Variants in PPHLN1 observed in about 807,000 individuals in gnomAD.
The protein encoded by PPHLN1 is periphilin 1.
Under a neutral mutation model 51.3 loss-of-function variants are expected in PPHLN1, and 29 were observed. That is an observed-to-expected ratio of 0.57 (90% confidence interval 0.42 to 0.77). PPHLN1 has a LOEUF of 0.77. Ranked by LOEUF, PPHLN1 falls within the 30% of genes least tolerant of loss-of-function variation. The pLI, the probability that PPHLN1 is intolerant of heterozygous loss-of-function variation, is 0.00. For synonymous variants in PPHLN1, 147 were observed against 147.8 expected, an observed-to-expected ratio of 0.99 and a Z score of 0.04; for missense variants, 436 against 438.4, an observed-to-expected ratio of 0.99 and a Z score of 0.05.
chr12:42,385,091 C>G, intron 6 of PPHLN1, 95 bp downstream of exon 6: 5 of 1,280,632 alleles, frequency 3.9e-6, no homozygotes, highest in Non-Finnish European at 5.6e-6. Flanking sequence ...TATAACTGCT[C>G]CATTAGTCTA....
chr12:42,326,521 C>T (rs2068800807), intron 1 of PPHLN1, among the ~76,000 whole-genome samples: 1 of 152,154 alleles, frequency 6.6e-6, no homozygotes, highest in Non-Finnish European at 1.5e-5. Context: ...GGTAATTTTA[C>T]TGAAGGTGTT....
At chr12:42,361,112 G>T (rs2074629288) in intron 4 of PPHLN1, among the ~76,000 whole-genome samples, 1 of 152,270 alleles carries the variant, frequency 6.6e-6, no homozygotes. Flanking sequence ...AGGAGGTTAG[G>T]CCTTTTAGGA....
intron 9 of PPHLN1, among the ~76,000 whole-genome samples, chr12:42,402,304 T>C (rs1669902): frequency 0.68 from 104,119 of 152,258 alleles, 36,246 homozygotes; most frequent in East Asian, 0.82. Context: ...CTATGCCAGC[T>C]TTGTTATGTG....
intron 8 of PPHLN1, among the ~76,000 whole-genome samples, chr12:42,396,394 T>C (rs1435015176): frequency 6.6e-6 from 1 of 152,062 alleles, no homozygotes; most frequent in Admixed American, 6.5e-5. Context: ...GCTTTTGAGG[T>C]ACCATCCTAG....
intron 6 of PPHLN1, among the ~76,000 whole-genome samples, chr12:42,385,556 A>ACAG (rs1370964015): frequency 6.6e-6 from 1 of 152,194 alleles, no homozygotes; most frequent in Non-Finnish European, 1.5e-5. Context: ...CAAAAGATCA[A>ACAG]CAGCTGCTTG....
rs192992361 is a variant in PPHLN1 at position 42,356,454 on chromosome 12, T to C, written c.299+1232T>C. 5.3e-3 allele frequency among the ~76,000 whole-genome samples: 804 copies of C among 152,332 alleles called. 6 individuals are homozygous for C. The highest frequency in any genetic ancestry group is 0.018 in the African/African-American group (757 of 41,578). ...GAAAGCAAGCTAGTCCTCCTTTCCC[T>C]GGGAGTGACCTGCCATAGTAGTCAC... On this transcript the variant is annotated intron_variant, in intron 4 of 9. Coordinates refer to ENST00000358314, the MANE Select transcript of PPHLN1 (RefSeq NM_201439.2).
At position 42,348,308 on chromosome 12, in the gene PPHLN1, A is replaced by C. The variant is rs1481227168; in HGVS notation, c.73-3577A>C. ...TTTTTTTTTTTTTTTTTTTAGTAGA[A>C]ACGGGGTTTCACCGTGTTGGCCAGG... On this transcript the variant is annotated intron_variant, in intron 2 of 9. Transcript: ENST00000358314. Among the ~76,000 whole-genome samples, 7 of 104,506 alleles carry C rather than the reference A, an allele frequency of 6.7e-5. No individual in the cohort carries two copies. In the East Asian group the frequency reaches 2.0e-3, roughly 29 times the overall value. 68.6% of individuals were successfully genotyped at this position (104,506 alleles called of 152,430 possible). A position where few individuals can be genotyped will look rare whatever the true frequency, so the allele number is the denominator to read the frequency against.
At position 42,339,649 on chromosome 12, in the gene PPHLN1, G is replaced by A. The variant is rs1460127134; in HGVS notation, c.72+3675G>A. ...ACTAAGTGCACTTACATTTGAGAATGATTATCAAGCTATTAAAAACCAAAT... is the reference window on the plus strand; with the variant it reads ...ACTAAGTGCACTTACATTTGAGAATAATTATCAAGCTATTAAAAACCAAAT... On this transcript the variant is annotated intron_variant, in intron 2 of 9. Transcript: ENST00000358314. 3.3e-5 allele frequency among the ~76,000 whole-genome samples: 5 copies of A among 152,270 alleles called. No homozygotes were observed. In the East Asian group the frequency reaches 9.7e-4, roughly 29 times the overall value.
At chr12:42,390,322 C>G (rs2077576714) in intron 7 of PPHLN1, among the ~76,000 whole-genome samples, 1 of 152,138 alleles carries the variant, frequency 6.6e-6, no homozygotes, top group Non-Finnish European at 1.5e-5. Context: ...TTAAACATAT[C>G]AAGGGTGCTT....
chr12:42,333,240 C>T (rs2070061909), intron 1 of PPHLN1, among the ~76,000 whole-genome samples: 1 of 151,992 alleles, frequency 6.6e-6, no homozygotes, highest in Non-Finnish European at 1.5e-5. Context: ...GATCAATTTA[C>T]AAAAGGAATA....
At chr12:42,433,812 A>AAATCCACATATAAGT (rs1398560571) in intron 9 of PPHLN1, among the ~76,000 whole-genome samples, 1 of 152,238 alleles carries the variant, frequency 6.6e-6, no homozygotes, top group Non-Finnish European at 1.5e-5. Context: ...AGGTAGAAGA[A>AAATCCACATATAAGT]AATCCACATA....
intron 7 of PPHLN1, among the ~76,000 whole-genome samples, chr12:42,390,398 C>T (rs1592657675): frequency 6.6e-6 from 1 of 152,126 alleles, no homozygotes; most frequent in Admixed American, 6.6e-5. Context: ...TAAATAGTAC[C>T]TGCCTATCAA....
chr12:42,387,891 G>A (rs895790525), intron 7 of PPHLN1, among the ~76,000 whole-genome samples: 1 of 152,192 alleles, frequency 6.6e-6, no homozygotes, highest in Non-Finnish European at 1.5e-5. Flanking sequence ...ATGGAATCAA[G>A]GTTTAAGGGA....
intron 9 of PPHLN1, among the ~76,000 whole-genome samples, chr12:42,406,683 A>ATG (rs1234276411): frequency 2.6e-5 from 4 of 151,908 alleles, no homozygotes; most frequent in African/African-American, 4.8e-5. Context: ...AGGTGGTTAT[A>ATG]TGTGTTGTGG....
downstream of PPHLN1, chr12:42,446,569 C>G (rs751915246): frequency 6.2e-7 from 1 of 1,612,432 alleles, no homozygotes; most frequent in South Asian, 1.1e-5. Context: ...TCATGTTTGT[C>G]TCTTGTTGTT....
In PPHLN1 at chr12:42,412,956, T is replaced by C. The variant is rs550421616; in HGVS notation, c.909+13962T>C. On this transcript the variant is annotated intron_variant, in intron 9 of 9. Coordinates refer to ENST00000358314, the MANE Select transcript of PPHLN1 (RefSeq NM_201439.2). ...TGTCTATTCATGTCATTTGCCCACC[T>C]TTTGAGGAGATGATTATTATTTTTT... 2.0e-5 allele frequency among the ~76,000 whole-genome samples: 3 copies of C among 152,346 alleles called. No individual in the cohort carries two copies. The South Asian group carries it at 6.2e-4, about 32-fold the overall frequency.
chr12:42,412,844 G>A (rs2079998983), intron 9 of PPHLN1, among the ~76,000 whole-genome samples: 1 of 145,728 alleles, frequency 6.9e-6, no homozygotes, highest in African/African-American at 2.8e-5. Context: ...GTATCTCGTT[G>A]TTTTAATTTG....
At chr12:42,329,027 A>AT (rs1282205418) in intron 1 of PPHLN1, among the ~76,000 whole-genome samples, 3,000 of 147,888 alleles carry the variant, frequency 0.02, 94 homozygotes, top group African/African-American at 0.07. Flanking sequence ...GCATCAGTTA[A>AT]TTTTTTTTTT....
At chr12:42,401,369 C>G (rs1208849505) in intron 9 of PPHLN1, among the ~76,000 whole-genome samples, 4 of 152,152 alleles carry the variant, frequency 2.6e-5, no homozygotes, top group African/African-American at 9.7e-5. Flanking sequence ...TTTCAGAACA[C>G]TCTCCTAATA....
Sources: gnomAD v4.1 joint callset for allele counts (sites outside exome capture counted in the v4.1 genomes callset) on GRCh38, gnomAD v4.1.1 for gene constraint, MANE v1.5 for transcripts, NCBI Gene and HGNC (gene_info 2026-07-23, HGNC 2026-07-21) for gene names.